FHIT: variants seen among roughly 807,000 people sequenced by gnomAD.
FHIT encodes bis(5'-adenosyl)-triphosphatase.
Under a neutral mutation model 17.9 loss-of-function variants are expected in FHIT, and 19 were observed. That is an observed-to-expected ratio of 1.06 (90% confidence interval 0.74 to 1.56). The LOEUF (loss-of-function observed/expected upper bound fraction) is 1.56, where lower values mean the gene tolerates loss of function less well. Ranked by LOEUF, FHIT falls within the 40% of genes most tolerant of loss-of-function variation. The pLI is 0.00. For missense variants in FHIT, 248 were observed against 189.2 expected, an observed-to-expected ratio of 1.31 and a Z score of -1.82; for synonymous variants, 81 against 69.7, an observed-to-expected ratio of 1.16 and a Z score of -0.81.
At chr3:61,026,343 A>C (rs1461017024) in intron 3 of FHIT, among the ~76,000 whole-genome samples, 1 of 152,178 alleles carries the variant, frequency 6.6e-6, no homozygotes. Flanking sequence ...GTGTACCTCC[A>C]ATTCTCTCCG....
At chr3:60,166,319 G>A (rs919604673) in intron 5 of FHIT, among the ~76,000 whole-genome samples, 5 of 152,102 alleles carry the variant, frequency 3.3e-5, no homozygotes, top group Admixed American at 3.3e-4. Context: ...AGAATTATGG[G>A]CCAACTATTC....
chr3:60,479,067 T>C (rs187746559), intron 5 of FHIT, among the ~76,000 whole-genome samples: 1 of 152,286 alleles, frequency 6.6e-6, no homozygotes, highest in East Asian at 1.9e-4. Context: ...GGACTAGACT[T>C]GAGGGGCCTT....
At chr3:60,711,561 A>C (rs1184554558) in intron 4 of FHIT, among the ~76,000 whole-genome samples, 1 of 152,238 alleles carries the variant, frequency 6.6e-6, no homozygotes, top group African/African-American at 2.4e-5. Context: ...TAGAATAACC[A>C]ATACAGAGAA....
chr3:60,608,339 A>G lies in FHIT; in HGVS notation c.-17-71360T>C, dbSNP rs75079470. ...ACTCTCATTCTCTAGCTGTTTCCTCAGGTGCTATGGCTGTTCTGGACTGTT... is the reference window on the plus strand; with the variant it reads ...ACTCTCATTCTCTAGCTGTTTCCTCGGGTGCTATGGCTGTTCTGGACTGTT... On this transcript the variant is annotated intron_variant, in intron 4 of 9. Transcript: ENST00000492590. Among the ~76,000 whole-genome samples, 5 of 152,296 alleles carry G rather than the reference A, an allele frequency of 3.3e-5. No individual in the cohort carries two copies. The East Asian group carries it at 9.6e-4, about 29-fold the overall frequency.
At chr3:60,473,556 C>G (rs1044742821) in intron 5 of FHIT, among the ~76,000 whole-genome samples, 1 of 152,146 alleles carries the variant, frequency 6.6e-6, no homozygotes, top group East Asian at 1.9e-4. Context: ...ATAGGGCTAA[C>G]TACAAAGGTG....
chr3:60,275,802 T>C (rs748777520), intron 5 of FHIT, among the ~76,000 whole-genome samples: 1 of 152,178 alleles, frequency 6.6e-6, no homozygotes, highest in Non-Finnish European at 1.5e-5. Flanking sequence ...TCTCATGTGG[T>C]CTTTCGGCAT....
chr3:60,185,319 G>C (rs970981093), intron 5 of FHIT, among the ~76,000 whole-genome samples: 7 of 152,126 alleles, frequency 4.6e-5, no homozygotes, highest in African/African-American at 1.7e-4. Flanking sequence ...ACAATGATTT[G>C]TTTACCATCT....
intron 8 of FHIT, among the ~76,000 whole-genome samples, chr3:59,769,490 T>C (rs891013450): frequency 2.6e-5 from 4 of 152,206 alleles, no homozygotes; most frequent in African/African-American, 9.7e-5. Flanking sequence ...TAATTATGTA[T>C]GTGCACAGGC....
intron 5 of FHIT, among the ~76,000 whole-genome samples, chr3:60,472,677 G>A (rs2107451927): frequency 6.6e-6 from 1 of 152,256 alleles, no homozygotes; most frequent in African/African-American, 2.4e-5. Flanking sequence ...TGTTTTAAAA[G>A]CAGCGCTCGT....
chr3:61,141,952 T>C (rs148720929), intron 2 of FHIT, among the ~76,000 whole-genome samples: 1 of 151,438 alleles, frequency 6.6e-6, no homozygotes, highest in Non-Finnish European at 1.5e-5. Context: ...TCAAGTTTCA[T>C]GCAGATCATC....
At chr3:60,234,073 G>A (rs993521384) in intron 5 of FHIT, among the ~76,000 whole-genome samples, 2 of 152,098 alleles carry the variant, frequency 1.3e-5, no homozygotes, top group African/African-American at 4.8e-5. Context: ...GAGATCATTG[G>A]GACCTTGTCT....
At chr3:61,079,392 G>A (rs1208187058) in intron 2 of FHIT, among the ~76,000 whole-genome samples, 1 of 151,992 alleles carries the variant, frequency 6.6e-6, no homozygotes, top group African/African-American at 2.4e-5. Flanking sequence ...AAAAAATTTG[G>A]ATACCAGTCT....
At chr3:60,481,215 G>T (rs2033593995) in intron 5 of FHIT, among the ~76,000 whole-genome samples, 1 of 152,122 alleles carries the variant, frequency 6.6e-6, no homozygotes, top group Non-Finnish European at 1.5e-5. Context: ...TACCTGAAGG[G>T]GATGGGAAGA....
At chr3:59,797,394 C>T (rs964961458) in intron 8 of FHIT, among the ~76,000 whole-genome samples, 2 of 152,078 alleles carry the variant, frequency 1.3e-5, no homozygotes, top group African/African-American at 4.8e-5. Context: ...ACTATGTTGG[C>T]CAGGCTGGTC....
At chr3:61,136,094 G>A (rs138577592) in intron 2 of FHIT, among the ~76,000 whole-genome samples, 59 of 152,112 alleles carry the variant, frequency 3.9e-4, no homozygotes, top group Non-Finnish European at 6.3e-4. Context: ...GAGGGAATGA[G>A]GTAGACAACA....
intron 8 of FHIT, among the ~76,000 whole-genome samples, chr3:59,787,365 G>T (rs1265086848): frequency 6.6e-6 from 1 of 151,900 alleles, no homozygotes; most frequent in Non-Finnish European, 1.5e-5. Context: ...TTATTTGTTG[G>T]TTTTCACGTA....
intron 7 of FHIT, among the ~76,000 whole-genome samples, chr3:59,994,161 T>C (rs1699405510): frequency 6.6e-6 from 1 of 152,028 alleles, no homozygotes; most frequent in Non-Finnish European, 1.5e-5. Context: ...TACAAAGCAT[T>C]ACTCCCAGAA....
At chr3:61,229,593 C>G (rs1427663499) in intron 1 of FHIT, among the ~76,000 whole-genome samples, 1 of 152,170 alleles carries the variant, frequency 6.6e-6, no homozygotes, top group Non-Finnish European at 1.5e-5. Flanking sequence ...CCTCTGAGAA[C>G]CAGGCCCTCA....
chr3:60,074,921 C>T (rs1242938102), intron 5 of FHIT, among the ~76,000 whole-genome samples: 1 of 152,058 alleles, frequency 6.6e-6, no homozygotes, highest in Non-Finnish European at 1.5e-5. Context: ...ACATTTGACA[C>T]GTCTCCCTTT....
Sources: allele counts gnomAD v4.1 joint callset (sites outside exome capture counted in the v4.1 genomes callset), GRCh38; gene constraint gnomAD v4.1.1; transcripts MANE v1.5; gene names NCBI Gene and HGNC (gene_info 2026-07-23, HGNC 2026-07-21).